CPA6: variants seen among roughly 807,000 people sequenced by gnomAD.
CPA6 encodes carboxypeptidase B.
CPA6 carries 58 observed loss-of-function variants against 63.3 expected under a neutral mutation model. That is an observed-to-expected ratio of 0.92 (90% confidence interval 0.74 to 1.14). The LOEUF is 1.14. Ranked by LOEUF, CPA6 falls within the 50% of genes most tolerant of loss-of-function variation. The probability of loss-of-function intolerance (pLI) is 0.00; values close to 1 mark genes in which losing one functional copy is unlikely to be tolerated. For missense variants in CPA6, 565 were observed against 526.6 expected (o/e 1.07, Z -0.71); for synonymous variants, 185 against 179.0 (o/e 1.03, Z -0.27).
chr8:67,592,157 G>A (rs547902318), intron 2 of CPA6, among the ~76,000 whole-genome samples: 2,915 of 152,224 alleles, frequency 0.019, 97 homozygotes, highest in African/African-American at 0.064. Context: ...CGTGGTTTTT[G>A]TCTTTGGTTC....
At chr8:67,522,795 C>T (rs1033263006) in intron 2 of CPA6, among the ~76,000 whole-genome samples, 1 of 152,220 alleles carries the variant, frequency 6.6e-6, no homozygotes, top group Non-Finnish European at 1.5e-5. Flanking sequence ...CATGCCTGGT[C>T]CAGCCACAGG....
intron 10 of CPA6, among the ~76,000 whole-genome samples, chr8:67,425,547 T>C (rs1255323830): frequency 6.6e-6 from 1 of 151,998 alleles, no homozygotes; most frequent in East Asian, 1.9e-4. Context: ...GCTAATTTTT[T>C]GTATTTTTAG....
At chr8:67,713,075 GTGTGTGTA>G (rs1196501215) in intron 1 of CPA6, among the ~76,000 whole-genome samples, 1 of 81,064 alleles carries the variant, frequency 1.2e-5, no homozygotes, top group South Asian at 4.1e-4. Context: ...GTGTGTATCT[GTGTGTGTA>G]TGTGTGTGTG....
At chr8:67,560,759 G>A (rs1447374573) in intron 2 of CPA6, among the ~76,000 whole-genome samples, 1 of 152,074 alleles carries the variant, frequency 6.6e-6, no homozygotes, top group African/African-American at 2.4e-5. Context: ...ATGGAAATGG[G>A]TTGCTAGGCC....
chr8:67,629,082 T>C (rs1270790339), intron 1 of CPA6, among the ~76,000 whole-genome samples: 1 of 151,910 alleles, frequency 6.6e-6, no homozygotes, highest in Non-Finnish European at 1.5e-5. Context: ...GCCACTGCAC[T>C]CCAGCCTGAT....
intron 1 of CPA6, among the ~76,000 whole-genome samples, chr8:67,733,196 C>CAAAAAAAAAAAAAAAAAAAAAA (rs1211323183): frequency 6.7e-5 from 1 of 14,894 alleles, no homozygotes; most frequent in Admixed American, 9.5e-4. Context: ...GACTCCATCT[C>CAAAAAAAAAAAAAAAAAAAAAA]AAAAAAAAAA....
At chr8:67,437,813 A>C (rs1451422436) in intron 8 of CPA6, among the ~76,000 whole-genome samples, 1 of 152,222 alleles carries the variant, frequency 6.6e-6, no homozygotes, top group Non-Finnish European at 1.5e-5. Flanking sequence ...CATGAAAAAT[A>C]AAATAAATAT....
chr8:67,585,161 G>A (rs766700176), intron 2 of CPA6, among the ~76,000 whole-genome samples: 35 of 151,946 alleles, frequency 2.3e-4, no homozygotes, highest in Non-Finnish European at 2.2e-4. Flanking sequence ...AAGTAGTCTC[G>A]TTTGAAGCTT....
intron 1 of CPA6, among the ~76,000 whole-genome samples, 169 bp downstream of exon 1, chr8:67,745,845 G>A (rs1444913352): frequency 6.6e-6 from 1 of 152,174 alleles, no homozygotes; most frequent in African/African-American, 2.4e-5. Context: ...CTCTCAGTGA[G>A]CTAAAGCCAA....
At chr8:67,568,182 G>T (rs1450914137) in intron 2 of CPA6, among the ~76,000 whole-genome samples, 1 of 152,098 alleles carries the variant, frequency 6.6e-6, no homozygotes, top group Non-Finnish European at 1.5e-5. Flanking sequence ...TCCTGTAAAA[G>T]CCAGGAAAGT....
At chr8:67,459,688 ATACATGTCAT>A (rs1481304422) in intron 8 of CPA6, among the ~76,000 whole-genome samples, 1 of 152,166 alleles carries the variant, frequency 6.6e-6, no homozygotes, top group Non-Finnish European at 1.5e-5. Context: ...ATATTGAGGG[ATACATGTCAT>A]TACACATTTT....
chr8:67,564,829 G>A (rs1307377529), intron 2 of CPA6, among the ~76,000 whole-genome samples: 1 of 152,150 alleles, frequency 6.6e-6, no homozygotes, highest in African/African-American at 2.4e-5. Flanking sequence ...GTGACAATAT[G>A]TCTATCCCAA....
chr8:67,470,170 C>T (rs1261961195), intron 8 of CPA6, among the ~76,000 whole-genome samples: 4 of 151,978 alleles, frequency 2.6e-5, no homozygotes, highest in South Asian at 2.1e-4. Flanking sequence ...GCTGGGATTA[C>T]GGGCATGCAC....
intron 2 of CPA6, among the ~76,000 whole-genome samples, chr8:67,574,109 G>A (rs1468498541): frequency 6.6e-6 from 1 of 151,840 alleles, no homozygotes; most frequent in African/African-American, 2.4e-5. Context: ...AGGGTGTGGT[G>A]GTTCATGACT....
At chr8:67,555,014 T>C (rs1413998131) in intron 2 of CPA6, among the ~76,000 whole-genome samples, 1 of 152,192 alleles carries the variant, frequency 6.6e-6, no homozygotes, top group Non-Finnish European at 1.5e-5. Flanking sequence ...AGGGCTGGGC[T>C]CAGTGCCTAC....
At chr8:67,713,099 G>GTGTGTGTGTGTA (rs1328463977) in intron 1 of CPA6, among the ~76,000 whole-genome samples, 230 of 54,966 alleles carry the variant, frequency 4.2e-3, no homozygotes, top group African/African-American at 0.015. Flanking sequence ...GTGTGTGTGT[G>GTGTGTGTGTGTA]TATATATATA....
chr8:67,424,048 C>T (rs1348046550), intron 10 of CPA6, among the ~76,000 whole-genome samples: 1 of 152,148 alleles, frequency 6.6e-6, no homozygotes, highest in Non-Finnish European at 1.5e-5. Flanking sequence ...AACATGAACC[C>T]TATCATGGAC....
At chr8:67,664,501 C>A (rs1816185270) in intron 1 of CPA6, among the ~76,000 whole-genome samples, 1 of 152,162 alleles carries the variant, frequency 6.6e-6, no homozygotes, top group African/African-American at 2.4e-5. Context: ...GCCTCTAGCC[C>A]ACTGTGCACC....
chr8:67,736,034 G>C (rs368825236), intron 1 of CPA6, among the ~76,000 whole-genome samples: 1 of 152,132 alleles, frequency 6.6e-6, no homozygotes, highest in East Asian at 1.9e-4. Context: ...AGTGATGCTG[G>C]TGATCCCTCT....
Sources: allele counts gnomAD v4.1 joint callset (sites outside exome capture counted in the v4.1 genomes callset), GRCh38; gene constraint gnomAD v4.1.1; transcripts MANE v1.5; gene names NCBI Gene and HGNC (gene_info 2026-07-23, HGNC 2026-07-21).